HTR5A: variants seen among roughly 807,000 people sequenced by gnomAD.
The protein encoded by HTR5A is 5-HT-5.
HTR5A carries 21 observed loss-of-function variants against 24.3 expected under a neutral mutation model. The ratio of observed to expected loss-of-function variants is 0.86; its 90% CI spans 0.61 to 1.24. The LOEUF is 1.24. HTR5A is among the 50% of genes most tolerant of loss of function. The pLI, the probability that HTR5A is intolerant of heterozygous loss-of-function variation, is 0.00. For missense variants in HTR5A, 497 were observed against 489.5 expected (o/e 1.02, Z -0.15); for synonymous variants, 260 against 213.7 (o/e 1.22, Z -1.89).
chr7:155,079,082 G>A (rs556725958), intron 1 of HTR5A, among the ~76,000 whole-genome samples: 1 of 152,036 alleles, frequency 6.6e-6, no homozygotes, highest in African/African-American at 2.4e-5. Flanking sequence ...CAGCCTCTGA[G>A]TAGCTGGGAC....
At position 155,070,432 on chromosome 7, in the gene HTR5A, A is replaced by G. The variant is rs916287857; in HGVS notation, c.-468A>G. On this transcript the variant is annotated 5_prime_UTR_variant, in exon 1 of 2. Coordinates refer to ENST00000287907, the MANE Select transcript of HTR5A (RefSeq NM_024012.4). ...CCCAAAACTGGCTTCCCTAGCACGG[A>G]GTTAAGGCTGCAGCCGGCTGCCTAG... The G allele has an allele frequency of 9.0e-6, 4 of 446,128 alleles. No homozygotes were observed. Among genetic ancestry groups the G allele is most frequent in the African/African-American group, 8.1e-5 (4 of 49,360 alleles). 27.6% of individuals were successfully genotyped at this position (446,128 alleles called of 1,614,324 possible).
At chr7:155,078,871 C>T (rs1795386819) in intron 1 of HTR5A, among the ~76,000 whole-genome samples, 1 of 151,174 alleles carries the variant, frequency 6.6e-6, no homozygotes, top group Non-Finnish European at 1.5e-5. Context: ...ATTATAAATT[C>T]TATAACAAAA....
chr7:155,081,347 A>G (rs1223774421), intron 1 of HTR5A, among the ~76,000 whole-genome samples: 1 of 152,230 alleles, frequency 6.6e-6, no homozygotes, highest in Admixed American at 6.5e-5. Flanking sequence ...ATAAAAGAAC[A>G]TACCAGATTT....
intron 1 of HTR5A, among the ~76,000 whole-genome samples, chr7:155,075,260 T>C (rs1217332817): frequency 1.1e-5 from 1 of 93,600 alleles, no homozygotes; most frequent in Non-Finnish European, 2.5e-5. Flanking sequence ...TTATCCAGAT[T>C]GTCACCACTG....
rs1795485698 is a variant in HTR5A at position 155,087,121 on chromosome 7, G to C, written c.*2634G>C. On this transcript the variant is annotated 3_prime_UTR_variant, in exon 2 of 2. Transcript: ENST00000287907. ...TTATGAGTGATCTTAGCCCTCTTGA[G>C]GTCACTATCAGTTTTATATTTTCAT... Among the ~76,000 whole-genome samples the C allele has an allele frequency of 6.6e-6, 1 of 152,092 alleles. No individual in the cohort carries two copies. Among genetic ancestry groups the C allele is most frequent in the Non-Finnish European group, 1.5e-5 (1 of 68,012 alleles).
intron 1 of HTR5A, among the ~76,000 whole-genome samples, chr7:155,082,722 C>CT (rs147081923): frequency 0.029 from 4,452 of 152,252 alleles, 197 homozygotes; most frequent in African/African-American, 0.1. Flanking sequence ...GTAGCTTTCC[C>CT]TCTTTCCTTT....
intron 1 of HTR5A, among the ~76,000 whole-genome samples, chr7:155,079,492 G>T (rs1249891597): frequency 6.6e-6 from 1 of 152,064 alleles, no homozygotes; most frequent in Non-Finnish European, 1.5e-5. Flanking sequence ...TTTCTTTTAA[G>T]GACTCAAAAT....
rs1795286903 is a variant in HTR5A at position 155,071,109 on chromosome 7, C to T, written c.210C>T (p.Thr70=). The change falls in exon 1 of 2, where the codon ACC becomes ACT. Residue 70 remains threonine, a synonymous_variant. Coordinates refer to ENST00000287907, the MANE Select transcript of HTR5A (RefSeq NM_024012.4). ...LVLATILRVR[T]FHRVPHNLVA... is the part of the protein sequence containing the mutation. ...TGGCGACCATCCTCCGTGTACGCAC[C>T]TTCCACCGCGTGCCCCACAACCTGG... The T allele has an allele frequency of 6.2e-7, 1 of 1,606,646 alleles. No individual in the cohort carries two copies.
At chr7:155,083,811 T>C (rs533004213) in intron 1 of HTR5A, among the ~76,000 whole-genome samples, 40 of 152,328 alleles carry the variant, frequency 2.6e-4, no homozygotes, top group African/African-American at 8.7e-4. Context: ...CTTAGGACAC[T>C]TTTGATGAAG....
Position 155,071,402 on chromosome 7 carries a change from TC to T in HTR5A, c.504del (p.Ser169ProfsTer26). The part of the protein sequence containing the change: ...SNVMIALTWA[L>X]SAVISLAPLL... ...GTCATGATCGCGCTCACCTGGGCAC[TC>T]TCCGCTGTCATCTCTCTGGCCCCGC... On this transcript the variant is annotated frameshift_variant, in exon 1 of 2. Transcript: ENST00000287907. LOFTEE classifies it high-confidence loss of function. The T allele has an allele frequency of 1.2e-6, 2 of 1,614,156 alleles. No individual in the cohort carries two copies. Among genetic ancestry groups the T allele is most frequent in the Non-Finnish European group, 1.7e-6 (2 of 1,180,046 alleles).
rs1392995297 is a variant in HTR5A at position 155,086,737 on chromosome 7, G to T, written c.*2250G>T. ...CAATAGTAAAAGTTGTTTATACCCT[G>T]GTAAGAAATGTAGACATTCATTGAC... On this transcript the variant is annotated 3_prime_UTR_variant, in exon 2 of 2. Transcript: ENST00000287907. Among the ~76,000 whole-genome samples, 1 of 152,140 alleles carries T rather than the reference G, an allele frequency of 6.6e-6. No homozygotes were observed. The highest frequency in any genetic ancestry group is 2.4e-5 in the African/African-American group (1 of 41,428).
chr7:155,082,050 G>A (rs988794490), intron 1 of HTR5A, among the ~76,000 whole-genome samples: 2 of 152,198 alleles, frequency 1.3e-5, no homozygotes, highest in African/African-American at 2.4e-5. Context: ...ACTGTGAACA[G>A]TATCTTCAGT....
At chr7:155,073,530 A>G (rs1424789655) in intron 1 of HTR5A, among the ~76,000 whole-genome samples, 1 of 151,970 alleles carries the variant, frequency 6.6e-6, no homozygotes, top group East Asian at 1.9e-4. Context: ...AGAACACTGA[A>G]GCTTCCATCA....
In HTR5A at chr7:155,070,428, A is replaced by G. The variant is rs1369618255; in HGVS notation, c.-472A>G. 6.6e-6 allele frequency: 3 copies of G among 452,426 alleles called. No individual in the cohort carries two copies. Among genetic ancestry groups the G allele is most frequent in the Admixed American group, 4.8e-5 (2 of 41,610 alleles). 28.0% of individuals were successfully genotyped at this position (452,426 alleles called of 1,614,324 possible). On this transcript the variant is annotated 5_prime_UTR_variant, in exon 1 of 2. Transcript: ENST00000287907. ...TTCCCCCAAAACTGGCTTCCCTAGC[A>G]CGGAGTTAAGGCTGCAGCCGGCTGC...
Position 155,084,361 on chromosome 7 carries a change from C to A in HTR5A, c.948C>A (p.Pro316=). The change falls in exon 2 of 2, where the codon CCC becomes CCA. Residue 316 remains proline, a synonymous_variant. Transcript: ENST00000287907. ...GTCCCCTCTGCTCCTGTGACATCCC[C>A]GCCATCTGGAAAAGCATCTTCCTGT... ...LISPLCSCDI[P]AIWKSIFLWL... 6.2e-7 allele frequency: 1 copy of A among 1,614,166 alleles called. No homozygotes were observed. Among genetic ancestry groups the A allele is most frequent in the Non-Finnish European group, 8.5e-7 (1 of 1,180,020 alleles).
chr7:155,080,683 C>T (rs1488762693), intron 1 of HTR5A, among the ~76,000 whole-genome samples: 1 of 152,230 alleles, frequency 6.6e-6, no homozygotes, highest in Admixed American at 6.5e-5. Context: ...GCCCATCATC[C>T]ATGATTCGGG....
In HTR5A at chr7:155,084,439, C is replaced by A; in HGVS notation, c.1026C>A (p.Asn342Lys). Residue 342 changes from asparagine (N) to lysine (K), a missense_variant, in exon 2 of 2, where the codon AAC becomes AAA. Asn to Lys is a moderately conservative substitution (Grantham distance 94, BLOSUM62 0). Transcript: ENST00000287907. ...ACCCCCTGATCTATACGGCTTTCAA[C>A]AAGAACTACAACAGCGCCTTCAAGA... ...FFNPLIYTAF[N>K]KNYNSAFKNF... 1 of 1,614,132 alleles carries A rather than the reference C, an allele frequency of 6.2e-7. No homozygotes were observed. The highest frequency in any genetic ancestry group is 8.5e-7 in the Non-Finnish European group (1 of 1,180,018).
intron 1 of HTR5A, chr7:155,074,455 T>A (rs1171486470): frequency 3.3e-5 from 5 of 152,108 alleles, no homozygotes; most frequent in Non-Finnish European, 7.4e-5. Context: ...CACGGATTGG[T>A]GGATTTTTGA....
chr7:155,071,924 G>A (rs750832945), intron 1 of HTR5A, among the ~76,000 whole-genome samples: 20 of 152,122 alleles, frequency 1.3e-4, no homozygotes, highest in Non-Finnish European at 2.8e-4. Context: ...GTCCCCTTTG[G>A]CCCCCAAATT....
Sources: allele counts gnomAD v4.1 joint callset (sites outside exome capture counted in the v4.1 genomes callset), GRCh38; gene constraint gnomAD v4.1.1; transcripts MANE v1.5; gene names NCBI Gene and HGNC (gene_info 2026-07-23, HGNC 2026-07-21).